ADAMTS6: variants seen among roughly 807,000 people sequenced by gnomAD.
ADAMTS6 encodes ADAM metallopeptidase with thrombospondin type 1 motif 6.
ADAMTS6 carries 23 observed loss-of-function variants against 144.3 expected under a neutral mutation model. That is an observed-to-expected ratio of 0.16 (90% CI 0.11 to 0.23). ADAMTS6 has a LOEUF of 0.23. Ranked by LOEUF, ADAMTS6 falls within the 10% of genes least tolerant of loss-of-function variation. The probability of loss-of-function intolerance (pLI) is 1.00; values close to 1 mark genes in which losing one functional copy is unlikely to be tolerated. For synonymous variants in ADAMTS6, 444 were observed against 457.5 expected, an observed-to-expected ratio of 0.97 and a Z score of 0.38; for missense variants, 999 against 1,379.6, an observed-to-expected ratio of 0.72 and a Z score of 4.37.
intron 24 of ADAMTS6, among the ~76,000 whole-genome samples, chr5:65,152,265 T>C (rs1324167939): frequency 6.6e-6 from 1 of 152,256 alleles, no homozygotes; most frequent in African/African-American, 2.4e-5. Context: ...TTTAGACAGC[T>C]TGGAAACATG....
intron 12 of ADAMTS6, among the ~76,000 whole-genome samples, chr5:65,267,922 A>G (rs180876253): frequency 6.6e-6 from 1 of 152,344 alleles, no homozygotes; most frequent in African/African-American, 2.4e-5. Flanking sequence ...GTGCAGGTGC[A>G]GGAATGCTAA....
chr5:65,153,606 A>G (rs546745676), intron 24 of ADAMTS6, among the ~76,000 whole-genome samples: 8 of 152,340 alleles, frequency 5.3e-5, no homozygotes, highest in Non-Finnish European at 8.8e-5. Flanking sequence ...ATTGCCTGAC[A>G]GAAAGGAAGC....
At chr5:65,316,671 G>A (rs1434596103) in intron 9 of ADAMTS6, among the ~76,000 whole-genome samples, 2 of 152,116 alleles carry the variant, frequency 1.3e-5, no homozygotes, top group African/African-American at 4.8e-5. Flanking sequence ...AAACAATAAA[G>A]TGAAAGCTGG....
chr5:65,341,501 A>AT (rs2150075447), intron 7 of ADAMTS6, among the ~76,000 whole-genome samples: 1 of 152,078 alleles, frequency 6.6e-6, no homozygotes, highest in South Asian at 2.1e-4. Context: ...TATCTCAGAA[A>AT]TAAAAAAAAG....
intron 10 of ADAMTS6, among the ~76,000 whole-genome samples, chr5:65,291,678 A>C (rs553297226): frequency 6.6e-6 from 1 of 152,336 alleles, no homozygotes; most frequent in South Asian, 2.1e-4. Flanking sequence ...CCAAGACACA[A>C]TAAAATCATT....
At chr5:65,384,849 C>T in intron 7 of ADAMTS6, among the ~76,000 whole-genome samples, 1 of 152,200 alleles carries the variant, frequency 6.6e-6, no homozygotes, top group East Asian at 1.9e-4. Flanking sequence ...ATACCTTAGA[C>T]TGGGTAATTT....
chr5:65,228,798 T>A (rs1325030339), intron 15 of ADAMTS6, among the ~76,000 whole-genome samples: 2 of 151,814 alleles, frequency 1.3e-5, no homozygotes, highest in Non-Finnish European at 2.9e-5. Context: ...TGCCCAAGAG[T>A]CCTACTGTTT....
intron 7 of ADAMTS6, among the ~76,000 whole-genome samples, chr5:65,387,771 C>T (rs1184794589): frequency 3.9e-5 from 6 of 152,076 alleles, no homozygotes; most frequent in Admixed American, 3.9e-4. Flanking sequence ...AAAGAAAAAG[C>T]AAGTGGGGGG....
intron 7 of ADAMTS6, among the ~76,000 whole-genome samples, chr5:65,372,965 A>G (rs1053868993): frequency 4.2e-4 from 64 of 152,244 alleles, no homozygotes; most frequent in Non-Finnish European, 8.4e-4. Context: ...ACTCAAAACC[A>G]CTCAACTACA....
intron 7 of ADAMTS6, among the ~76,000 whole-genome samples, chr5:65,447,460 C>G (rs1758356189): frequency 6.6e-6 from 1 of 152,040 alleles, no homozygotes; most frequent in Non-Finnish European, 1.5e-5. Context: ...CATAAAGACA[C>G]ACAATTTTTG....
At chr5:65,190,035 T>G (rs1754911700) in intron 21 of ADAMTS6, among the ~76,000 whole-genome samples, 1 of 152,220 alleles carries the variant, frequency 6.6e-6, no homozygotes, top group African/African-American at 2.4e-5. Flanking sequence ...AAGATAATAC[T>G]TTAGTGAAGT....
rs139327561 is a variant in ADAMTS6, at chr5:65,435,784, G to A, written c.1073+15691C>T. Among the ~76,000 whole-genome samples, 128 of 151,512 alleles carry A rather than the reference G, an allele frequency of 8.4e-4. 1 individual carries two copies. The Middle Eastern group carries it at 0.014, about 16-fold the overall frequency. ...GCGATTACAGGCACGTGCCATCACC[G>A]TACACTAATTTTTGTATTTTTAGCA... On this transcript the variant is annotated intron_variant, in intron 7 of 24. Coordinates refer to ENST00000381055, the MANE Select transcript of ADAMTS6 (RefSeq NM_197941.4).
chr5:65,456,840 T>C (rs1208066730), intron 4 of ADAMTS6, among the ~76,000 whole-genome samples: 1 of 152,208 alleles, frequency 6.6e-6, no homozygotes, highest in Non-Finnish European at 1.5e-5. Context: ...AAGGAACATT[T>C]ATTACTTCTA....
At chr5:65,461,116 C>T (rs919417939) in intron 3 of ADAMTS6, among the ~76,000 whole-genome samples, 3 of 152,152 alleles carry the variant, frequency 2.0e-5, no homozygotes, top group Admixed American at 6.6e-5. Flanking sequence ...ATTATATCAC[C>T]TTATCCCTAT....
intron 8 of ADAMTS6, among the ~76,000 whole-genome samples, chr5:65,330,327 G>T (rs973750229): frequency 6.6e-6 from 1 of 152,006 alleles, no homozygotes; most frequent in South Asian, 2.1e-4. Flanking sequence ...CTTAAAAAAA[G>T]AATTTTTGTG....
chr5:65,435,956 T>A (rs1044902354), intron 7 of ADAMTS6, among the ~76,000 whole-genome samples: 2 of 152,084 alleles, frequency 1.3e-5, no homozygotes, highest in African/African-American at 4.8e-5. Context: ...ACAATGAATA[T>A]TTTTTAAAAT....
At chr5:65,327,267 G>A (rs1398092230) in intron 9 of ADAMTS6, among the ~76,000 whole-genome samples, 1 of 152,146 alleles carries the variant, frequency 6.6e-6, no homozygotes, top group Admixed American at 6.5e-5. Flanking sequence ...CAGCCTGTAT[G>A]CCTGTGAGCC....
At chr5:65,386,683 G>A (rs896930603) in intron 7 of ADAMTS6, among the ~76,000 whole-genome samples, 9 of 152,084 alleles carry the variant, frequency 5.9e-5, no homozygotes, top group African/African-American at 1.4e-4. Flanking sequence ...TGCCTCCCAC[G>A]TCCAAGCAAT....
chr5:65,352,063 T>A (rs1748901355), intron 7 of ADAMTS6, among the ~76,000 whole-genome samples: 1 of 152,172 alleles, frequency 6.6e-6, no homozygotes, highest in African/African-American at 2.4e-5. Flanking sequence ...AGAAAAGTAA[T>A]CTCGATGTTC....
Sources: allele counts gnomAD v4.1 joint callset (sites outside exome capture counted in the v4.1 genomes callset), GRCh38; gene constraint gnomAD v4.1.1; transcripts MANE v1.5; gene names NCBI Gene and HGNC (gene_info 2026-07-23, HGNC 2026-07-21).